The following PTK2 variants were observed in gnomAD, a reference collection of about 807,000 sequenced individuals.
PTK2 encodes focal adhesion kinase 1.
A neutral mutation model predicts 150.1 loss-of-function variants in PTK2; 45 were observed. The ratio of observed to expected loss-of-function variants is 0.30; its 90% CI spans 0.24 to 0.38. The LOEUF (loss-of-function observed/expected upper bound fraction) is 0.38, where lower values mean the gene tolerates loss of function less well. Among genes scored for constraint, PTK2 ranks in the 10% least tolerant of loss-of-function variants. The pLI is 1.00. For missense variants in PTK2, 919 were observed against 1,307.3 expected (o/e 0.70, Z 4.58); for synonymous variants, 432 against 449.2 (o/e 0.96, Z 0.48).
At chr8:140,810,636 G>A (rs369447579) in intron 10 of PTK2, among the ~76,000 whole-genome samples, 2 of 152,276 alleles carry the variant, frequency 1.3e-5, no homozygotes, top group African/African-American at 4.8e-5. Flanking sequence ...TGTGTACGCA[G>A]GCAGGTATTG....
intron 4 of PTK2, among the ~76,000 whole-genome samples, chr8:140,876,934 C>T (rs1489712270): frequency 6.6e-6 from 1 of 151,952 alleles, no homozygotes; most frequent in Non-Finnish European, 1.5e-5. Context: ...AGTATTAACC[C>T]TCATAACTCT....
At chr8:140,847,854 C>A (rs2100126581) in intron 5 of PTK2, among the ~76,000 whole-genome samples, 1 of 152,102 alleles carries the variant, frequency 6.6e-6, no homozygotes, top group South Asian at 2.1e-4. Flanking sequence ...TTCAAAGAGT[C>A]CCACCCCCAG....
chr8:140,739,388 G>A (rs1370895868), intron 20 of PTK2, among the ~76,000 whole-genome samples: 5 of 152,158 alleles, frequency 3.3e-5, no homozygotes, highest in African/African-American at 1.2e-4. Context: ...CAGGGGTTTA[G>A]GTGCAGGTAT....
intron 1 of PTK2, among the ~76,000 whole-genome samples, chr8:140,971,019 T>A (rs548346457): frequency 1.3e-5 from 2 of 152,360 alleles, no homozygotes; most frequent in African/African-American, 4.8e-5. Context: ...TATTTTTGAA[T>A]GATTTTCCTT....
At chr8:140,705,975 G>T in intron 24 of PTK2, 144 bp downstream of exon 27, 1 of 599,894 alleles carries the variant, frequency 1.7e-6, no homozygotes, top group Non-Finnish European at 2.8e-6. Context: ...ATCATTCAAT[G>T]ATTAGGGTAA....
intron 14 of PTK2, among the ~76,000 whole-genome samples, chr8:140,766,998 T>C (rs2100072674): frequency 6.6e-6 from 1 of 152,202 alleles, no homozygotes; most frequent in Admixed American, 6.5e-5. Flanking sequence ...CTGAGGGCTC[T>C]CTGAAAGGGA....
At chr8:140,869,704 A>G (rs4370583) in intron 4 of PTK2, among the ~76,000 whole-genome samples, 1 of 152,308 alleles carries the variant, frequency 6.6e-6, no homozygotes, top group East Asian at 1.9e-4. Flanking sequence ...CAATTCATCA[A>G]TTCATACACA....
intron 5 of PTK2, among the ~76,000 whole-genome samples, chr8:140,848,301 T>C (rs1598476416): frequency 6.6e-6 from 1 of 152,370 alleles, no homozygotes; most frequent in South Asian, 2.1e-4. Flanking sequence ...CATTTACTCA[T>C]TATTTTCTCT....
chr8:140,804,328 C>A (rs2100097055), intron 10 of PTK2, among the ~76,000 whole-genome samples: 1 of 151,604 alleles, frequency 6.6e-6, no homozygotes, highest in African/African-American at 2.4e-5. Context: ...TGGTTCACAT[C>A]CATAATCCCA....
chr8:140,961,087 A>G (rs2100183024), intron 1 of PTK2, among the ~76,000 whole-genome samples: 1 of 152,262 alleles, frequency 6.6e-6, no homozygotes, highest in African/African-American at 2.4e-5. Context: ...ATCAAATTCA[A>G]GAAACCTGAA....
intron 19 of PTK2, among the ~76,000 whole-genome samples, 164 bp from the exon 23 acceptor site, chr8:140,743,494 T>TAC (rs1233402536): frequency 7.2e-5 from 11 of 151,986 alleles, no homozygotes; most frequent in Admixed American, 6.6e-4. Flanking sequence ...ATCTCATATA[T>TAC]ACACACACAC....
chr8:140,878,286 C>T (rs181560718), intron 4 of PTK2, among the ~76,000 whole-genome samples: 46 of 152,098 alleles, frequency 3.0e-4, no homozygotes, highest in Non-Finnish European at 5.7e-4. Flanking sequence ...CTGTAACTGG[C>T]GTAGGGTTTT....
rs141801617 is a variant in PTK2, at chr8:140,782,609, A to G, written c.1177+6865T>C. On this transcript the variant is annotated intron_variant, in intron 14 of 31. Transcript: ENST00000522684. Reference sequence around the variant, plus strand: ...GTAGGGAAAAAAATGAACTACTTATATAATAGGTGACAATGCTCTCAAATT... The same window carrying G: ...GTAGGGAAAAAAATGAACTACTTATGTAATAGGTGACAATGCTCTCAAATT... Among the ~76,000 whole-genome samples the G allele has an allele frequency of 3.9e-5, 6 of 151,954 alleles. No individual in the cohort carries two copies. In the East Asian group the frequency reaches 1.2e-3, roughly 29 times the overall value.
rs370537018 is a variant in PTK2 at position 140,820,076 on chromosome 8, GTTTTTTTTTTTTTTTTTTTTTTTT to G, written c.649-1080_649-1057del. Among the ~76,000 whole-genome samples the G allele has an allele frequency of 3.4e-3, 172 of 50,262 alleles. 5 individuals are homozygous for G. In the South Asian group the frequency reaches 0.06, roughly 17 times the overall value. The allele number at this position is 50,262 out of a possible 152,430, so 33.0% of individuals were successfully genotyped here. A position where few individuals can be genotyped will look rare whatever the true frequency, so the allele number is the denominator to read the frequency against. On this transcript the variant is annotated intron_variant, in intron 8 of 31. Coordinates refer to ENST00000522684, the Ensembl canonical transcript of PTK2. ...AGAGGAGTGACTTTATCTGACTTTG[GTTTTTTTTTTTTTTTTTTTTTTTT>G]TTTTTTTTTTTTTTTTTTAAATAGG...
At chr8:140,675,932 A>G (rs2100013357) in intron 27 of PTK2, among the ~76,000 whole-genome samples, 1 of 152,258 alleles carries the variant, frequency 6.6e-6, no homozygotes, top group African/African-American at 2.4e-5. Context: ...AAAACAAATC[A>G]TTGTATCAAA....
intron 1 of PTK2, among the ~76,000 whole-genome samples, chr8:140,967,935 T>C (rs2100185894): frequency 6.6e-6 from 1 of 152,196 alleles, no homozygotes; most frequent in African/African-American, 2.4e-5. Flanking sequence ...AGGCCAGAAG[T>C]AACTTTCTGA....
At chr8:140,779,059 G>C (rs2100080123) in intron 14 of PTK2, among the ~76,000 whole-genome samples, 1 of 151,936 alleles carries the variant, frequency 6.6e-6, no homozygotes, top group Non-Finnish European at 1.5e-5. Flanking sequence ...TCAGGAGTTT[G>C]AGACCAGCCT....
chr8:140,750,803 G>T (rs576955211), intron 17 of PTK2, among the ~76,000 whole-genome samples: 2 of 152,246 alleles, frequency 1.3e-5, no homozygotes, highest in South Asian at 4.2e-4. Flanking sequence ...TTATTTCTAA[G>T]GGCTGGGCAC....
At chr8:140,883,366 G>A (rs2100150350) in intron 3 of PTK2, among the ~76,000 whole-genome samples, 1 of 151,752 alleles carries the variant, frequency 6.6e-6, no homozygotes, top group African/African-American at 2.4e-5. Context: ...GGGAGGAGGG[G>A]ACAAAAAGGG....
Sources: allele counts gnomAD v4.1 joint callset (sites outside exome capture counted in the v4.1 genomes callset), GRCh38; gene constraint gnomAD v4.1.1; transcripts MANE v1.5; gene names NCBI Gene and HGNC (gene_info 2026-07-23, HGNC 2026-07-21).